The following USP32 variants were observed in gnomAD, a reference collection of about 807,000 sequenced individuals.
USP32 encodes ubiquitin carboxyl-terminal hydrolase 32.
A neutral mutation model predicts 204.8 loss-of-function variants in USP32; 59 were observed. The observed-to-expected ratio is 0.29, with a 90% CI of 0.23 to 0.36. The LOEUF is 0.36. Ranked by LOEUF, USP32 falls within the 10% of genes least tolerant of loss-of-function variation. USP32 has a pLI of 1.00. For missense variants in USP32, 1,160 were observed against 1,946.4 expected (o/e 0.60, Z 7.60); for synonymous variants, 517 against 678.4 (o/e 0.76, Z 3.70).
At chr17:60,418,461 A>G (rs546514947) in intron 1 of USP32, among the ~76,000 whole-genome samples, 1 of 148,992 alleles carries the variant, frequency 6.7e-6, no homozygotes, top group Non-Finnish European at 1.5e-5. Context: ...TCTTCTCAGA[A>G]TTGTGTTCTG....
intron 2 of USP32, among the ~76,000 whole-genome samples, chr17:60,319,147 AG>A (rs2088054046): frequency 6.6e-6 from 1 of 152,306 alleles, no homozygotes; most frequent in Middle Eastern, 3.4e-3. Context: ...GATGATGAAA[AG>A]GTTTTAGAAA....
chr17:60,223,654 G>T, intron 13 of USP32, 68 bp from the exon 14 acceptor site: 2 of 1,342,746 alleles, frequency 1.5e-6, no homozygotes, highest in South Asian at 1.4e-5. Flanking sequence ...TTGAGGATAT[G>T]AACTCAATGC....
rs901444610 is a variant in USP32, at chr17:60,301,534, C to T, written c.292+65G>A. 5 of 1,020,346 alleles carry T rather than the reference C, an allele frequency of 4.9e-6. No individual in the cohort carries two copies. In the African/African-American group the frequency reaches 6.8e-5, roughly 14 times the overall value. 63.2% of individuals were successfully genotyped at this position (1,020,346 alleles called of 1,614,324 possible). On this transcript the variant is annotated intron_variant, in intron 3 of 33. Transcript: ENST00000300896. ...TCAATTCAAATCCTCTACCTGTCAT[C>T]AGAATTTTGAGATAAATTATTCTGT...
intron 2 of USP32, among the ~76,000 whole-genome samples, chr17:60,336,888 T>G (rs1325917229): frequency 6.6e-6 from 1 of 152,220 alleles, no homozygotes; most frequent in African/African-American, 2.4e-5. Flanking sequence ...CTGGTTGTTC[T>G]GTCAGCTATG....
At chr17:60,351,417 G>A (rs2088943924) in intron 1 of USP32, among the ~76,000 whole-genome samples, 1 of 151,302 alleles carries the variant, frequency 6.6e-6, no homozygotes, top group Non-Finnish European at 1.5e-5. Context: ...AAGCATTTAT[G>A]AAATGTCTAC....
chr17:60,278,036 A>G (rs2086880346), intron 5 of USP32, among the ~76,000 whole-genome samples: 1 of 150,462 alleles, frequency 6.6e-6, no homozygotes, highest in African/African-American at 2.5e-5. Flanking sequence ...CCTCCACAGT[A>G]GCTGGGAATA....
chr17:60,191,466 G>A (rs562644765), intron 28 of USP32, among the ~76,000 whole-genome samples: 1 of 151,198 alleles, frequency 6.6e-6, no homozygotes, highest in Admixed American at 6.6e-5. Flanking sequence ...GATGGGGTAG[G>A]GGGGAGGATA....
intron 19 of USP32, 97 bp downstream of exon 19, chr17:60,211,927 A>G: frequency 2.7e-6 from 3 of 1,115,746 alleles, no homozygotes; most frequent in South Asian, 3.2e-5. Flanking sequence ...CTTTTGAACT[A>G]GAAAACCAAA....
At chr17:60,415,038 C>T (rs2090049626) in intron 1 of USP32, among the ~76,000 whole-genome samples, 1 of 152,006 alleles carries the variant, frequency 6.6e-6, no homozygotes, top group Non-Finnish European at 1.5e-5. Flanking sequence ...GTTCAGTCCT[C>T]TGTTTATAGT....
intron 5 of USP32, among the ~76,000 whole-genome samples, chr17:60,275,902 CT>C (rs1333624951): frequency 4.1e-5 from 6 of 147,568 alleles, no homozygotes; most frequent in African/African-American, 1.3e-4. Flanking sequence ...TAGTAGAGAC[CT>C]TGTCTCTATT....
chr17:60,256,395 T>C (rs1473623120), intron 9 of USP32, among the ~76,000 whole-genome samples: 2 of 152,194 alleles, frequency 1.3e-5, no homozygotes, highest in Admixed American at 1.3e-4. Context: ...AATTGTCCTG[T>C]TCACTTACAG....
rs947723238 is a variant in USP32, at chr17:60,365,766, T to A, written c.59-20158A>T. On this transcript the variant is annotated intron_variant, in intron 1 of 33. Coordinates refer to ENST00000300896, the MANE Select transcript of USP32 (RefSeq NM_032582.4). Reference sequence around the variant, plus strand: ...CCATTTTTATAAATAAAATTTTGTATGTAATTTTATTAAAATACCAAAAAT... The same window carrying A: ...CCATTTTTATAAATAAAATTTTGTAAGTAATTTTATTAAAATACCAAAAAT... 7.9e-5 allele frequency among the ~76,000 whole-genome samples: 12 copies of A among 152,306 alleles called. 1 individual carries two copies. The South Asian group carries it at 2.5e-3, about 32-fold the overall frequency.
At position 60,369,049 on chromosome 17, in the gene USP32, C is replaced by T. The variant is rs1304230500; in HGVS notation, c.58+22833G>A. On this transcript the variant is annotated intron_variant, in intron 1 of 33. Transcript: ENST00000300896. ...TCGCTCTGTCGCCCAGGCTGGAGTG[C>T]AGTGGCGGGATCTCGGCTCACTGCA... 4.2e-4 allele frequency among the ~76,000 whole-genome samples: 51 copies of T among 122,048 alleles called. No individual in the cohort carries two copies. In the East Asian group the frequency reaches 8.6e-3, roughly 21 times the overall value. The allele number at this position is 122,048 out of a possible 152,430, so 80.1% of individuals were successfully genotyped here.
At chr17:60,314,197 G>C (rs1044359145) in intron 2 of USP32, among the ~76,000 whole-genome samples, 2 of 22 alleles carry the variant, frequency 0.091, no homozygotes, top group African/African-American at 0.25. Context: ...GGAGAATACA[G>C]TGGCATTGAT....
chr17:60,347,579 T>C (rs540273646), intron 1 of USP32, among the ~76,000 whole-genome samples: 4 of 150,846 alleles, frequency 2.7e-5, no homozygotes, highest in South Asian at 2.1e-4. Flanking sequence ...GGTCTCGATC[T>C]CCTAACCTCG....
chr17:60,414,870 A>G (rs77145086), intron 1 of USP32, among the ~76,000 whole-genome samples: 1 of 139,816 alleles, frequency 7.2e-6, no homozygotes, highest in Admixed American at 7.2e-5. Context: ...TTTTTTTTTT[A>G]GATGGAGTCT....
At chr17:60,393,964 G>A (rs1201037819), upstream of USP32, among the ~76,000 whole-genome samples, 4 of 152,168 alleles carry the variant, frequency 2.6e-5, no homozygotes, top group Non-Finnish European at 5.9e-5. Flanking sequence ...GATTACAGGC[G>A]TGAGCCACCG....
chr17:60,279,589 C>T (rs2086916794), intron 5 of USP32, among the ~76,000 whole-genome samples: 1 of 151,914 alleles, frequency 6.6e-6, no homozygotes, highest in East Asian at 1.9e-4. Context: ...GTAATCCTAT[C>T]ACTTTGGGAG....
chr17:60,224,863 C>A (rs983840667), intron 13 of USP32, among the ~76,000 whole-genome samples: 2 of 152,168 alleles, frequency 1.3e-5, no homozygotes, highest in Non-Finnish European at 2.9e-5. Flanking sequence ...CAACTCAATT[C>A]AGCTGGGCCA....
Sources: gnomAD v4.1 joint callset for allele counts (sites outside exome capture counted in the v4.1 genomes callset) on GRCh38, gnomAD v4.1.1 for gene constraint, MANE v1.5 for transcripts, NCBI Gene and HGNC (gene_info 2026-07-23, HGNC 2026-07-21) for gene names.